Variants in ANKRD30B observed in about 807,000 individuals in gnomAD.
ANKRD30B encodes ankyrin repeat domain-containing protein 30B.
A neutral mutation model predicts 202.2 loss-of-function variants in ANKRD30B; 144 were observed. The observed-to-expected ratio is 0.71, with a 90% CI of 0.62 to 0.82. The LOEUF is 0.82. Ranked by LOEUF, ANKRD30B falls within the 40% of genes least tolerant of loss-of-function variation. The probability of loss-of-function intolerance (pLI) is 0.00; values close to 1 mark genes in which losing one functional copy is unlikely to be tolerated. For synonymous variants in ANKRD30B, 508 were observed against 561.3 expected, an observed-to-expected ratio of 0.91 and a Z score of 1.34; for missense variants, 1,487 against 1,669.1, an observed-to-expected ratio of 0.89 and a Z score of 1.90.
chr18:14,751,140 A>G (rs552714702), intron 1 of ANKRD30B, among the ~76,000 whole-genome samples: 39 of 152,028 alleles, frequency 2.6e-4, no homozygotes, highest in Non-Finnish European at 5.3e-4. Context: ...ATTTACATAT[A>G]CATTTTATTA....
intron 30 of ANKRD30B, among the ~76,000 whole-genome samples, chr18:14,820,015 T>G (rs1263441490): frequency 6.6e-6 from 1 of 152,082 alleles, no homozygotes; most frequent in Non-Finnish European, 1.5e-5. Flanking sequence ...TTCTTCCATT[T>G]GTTTTATCCT....
At chr18:14,851,282 C>A (rs371358912) in intron 41 of ANKRD30B, among the ~76,000 whole-genome samples, 3 of 142,748 alleles carry the variant, frequency 2.1e-5, no homozygotes, top group Non-Finnish European at 3.1e-5. Context: ...ATTCTCTAGT[C>A]GTTTCTCTTT....
chr18:14,912,746 G>C, the ANKRD30B span, among the ~76,000 whole-genome samples: 1 of 152,066 alleles, frequency 6.6e-6, no homozygotes, highest in Admixed American at 6.6e-5. Context: ...TCTGGCCCTG[G>C]GTTTCTACTT....
chr18:14,798,183 C>T (rs1199687523), intron 20 of ANKRD30B, among the ~76,000 whole-genome samples: 12 of 149,086 alleles, frequency 8.0e-5, no homozygotes, highest in East Asian at 4.1e-4. Context: ...GGAGAATCAC[C>T]GCCTTGTCGT....
At chr18:14,799,480 T>G (rs1969171351) in intron 22 of ANKRD30B, among the ~76,000 whole-genome samples, 185 bp downstream of exon 22, 1 of 152,150 alleles carries the variant, frequency 6.6e-6, no homozygotes, top group African/African-American at 2.4e-5. Flanking sequence ...AAATAGGGAT[T>G]TAGAAAAAAA....
chr18:14,784,986 C>T (rs1421898804), intron 14 of ANKRD30B, among the ~76,000 whole-genome samples: 2 of 151,962 alleles, frequency 1.3e-5, no homozygotes, highest in African/African-American at 2.4e-5. Context: ...CTCAGTAACT[C>T]GGATCAGTGA....
chr18:14,933,455 G>A, the ANKRD30B span, among the ~76,000 whole-genome samples: 1 of 152,162 alleles, frequency 6.6e-6, no homozygotes, highest in African/African-American at 2.4e-5. Context: ...GAGAGCAAGG[G>A]GCAGGAAATT....
At chr18:14,934,430 C>G in the ANKRD30B span, among the ~76,000 whole-genome samples, 1 of 152,224 alleles carries the variant, frequency 6.6e-6, no homozygotes, top group Non-Finnish European at 1.5e-5. Context: ...TCTGCCCGCC[C>G]TGCCTCCCCA....
chr18:14,865,659 T>C, the ANKRD30B span, among the ~76,000 whole-genome samples: 9 of 151,002 alleles, frequency 6.0e-5, no homozygotes, highest in South Asian at 8.5e-4. Context: ...CTTTATGCAA[T>C]GCCTTCTCCA....
At chr18:14,825,061 T>C (rs1970605455) in intron 32 of ANKRD30B, 1 of 152,168 alleles carries the variant, frequency 6.6e-6, no homozygotes, top group African/African-American at 2.4e-5. Context: ...ACTGTTTCTT[T>C]TGTGCTGATA....
At chr18:14,913,822 A>C in the ANKRD30B span, among the ~76,000 whole-genome samples, 1 of 152,200 alleles carries the variant, frequency 6.6e-6, no homozygotes, top group African/African-American at 2.4e-5. Flanking sequence ...TCCCTCTCAC[A>C]GTGTCCTGTT....
chr18:14,895,600 C>T, the ANKRD30B span, among the ~76,000 whole-genome samples: 5 of 152,182 alleles, frequency 3.3e-5, no homozygotes, highest in Middle Eastern at 3.2e-3. Flanking sequence ...TTATTCGTAT[C>T]ATCAAAAACC....
At chr18:14,875,041 G>A in the ANKRD30B span, among the ~76,000 whole-genome samples, 1 of 152,108 alleles carries the variant, frequency 6.6e-6, no homozygotes, top group African/African-American at 2.4e-5. Context: ...CGCAGCCAGG[G>A]GAGTGTGAGT....
intron 20 of ANKRD30B, 86 bp from the exon 21 acceptor site, chr18:14,799,015 T>C: frequency 1.6e-6 from 2 of 1,284,134 alleles, no homozygotes; most frequent in Non-Finnish European, 2.3e-6. Flanking sequence ...TCATGAGGAT[T>C]CGTCTTCATA....
Position 14,796,406 on chromosome 18 carries a change from T to G in ANKRD30B, c.1918T>G (p.Phe640Val). 2.6e-6 allele frequency: 4 copies of G among 1,550,940 alleles called. No individual in the cohort carries two copies. Among genetic ancestry groups the G allele is most frequent in the Non-Finnish European group, 3.5e-6 (4 of 1,148,056 alleles). Residue 640 changes from phenylalanine to valine, a missense_variant, in exon 18 of 44, where the codon TTC becomes GTC. Phe to Val is a conservative substitution (Grantham distance 50). Transcript: ENST00000690538. Reference protein sequence around the residue: ...KALELKDRETFKAESPDKDGL... With the variant: ...KALELKDRETVKAESPDKDGL... ...CTTAGAATTAAAGGACAGAGAAACA[T>G]TCAAAGCAGGTAAATTTTGTAATTT... is the stretch of plus-strand genomic sequence containing the variant.
At chr18:14,780,625 ACT>A (rs1490927280) in intron 11 of ANKRD30B, among the ~76,000 whole-genome samples, 1 of 152,362 alleles carries the variant, frequency 6.6e-6, no homozygotes, top group East Asian at 1.9e-4. Context: ...TTAAAGAATT[ACT>A]CTGAGTCCAC....
the ANKRD30B span, among the ~76,000 whole-genome samples, chr18:14,940,689 C>T: frequency 1.1e-4 from 17 of 152,338 alleles, no homozygotes; most frequent in African/African-American, 2.4e-4. Flanking sequence ...ACTCTCCTGA[C>T]GGCATCAGGC....
chr18:14,807,287 G>T (rs1278764246), intron 24 of ANKRD30B, among the ~76,000 whole-genome samples: 1 of 150,872 alleles, frequency 6.6e-6, no homozygotes, highest in African/African-American at 2.4e-5. Flanking sequence ...CTATGTCAAA[G>T]AAATGTCTGT....
rs560602741 is a variant in ANKRD30B at position 14,754,010 on chromosome 18, G to A, written c.511-889G>A. Among the ~76,000 whole-genome samples the A allele has an allele frequency of 6.6e-5, 10 of 152,162 alleles. No individual in the cohort carries two copies. In the South Asian group the frequency reaches 1.0e-3, roughly 16 times the overall value. On this transcript the variant is annotated intron_variant, in intron 3 of 43. Coordinates refer to ENST00000690538, the MANE Select transcript of ANKRD30B (RefSeq NM_001367607.2). ...GAAGTAGATATGCATTAGGATCCTAGGATTATCATTATAATTGAGAATAAA... is the reference window on the plus strand; with the variant it reads ...GAAGTAGATATGCATTAGGATCCTAAGATTATCATTATAATTGAGAATAAA...
Sources: allele counts gnomAD v4.1 joint callset (sites outside exome capture counted in the v4.1 genomes callset), GRCh38; gene constraint gnomAD v4.1.1; transcripts MANE v1.5; gene names NCBI Gene and HGNC (gene_info 2026-07-23, HGNC 2026-07-21).